The following SV2C variants were observed in gnomAD, a reference collection of about 807,000 sequenced individuals.
SV2C encodes solute carrier family 22 member B3.
A neutral mutation model predicts 79.7 loss-of-function variants in SV2C; 49 were observed. That is an observed-to-expected ratio of 0.61 (90% CI 0.49 to 0.78). SV2C has a LOEUF of 0.78. Among genes scored for constraint, SV2C ranks in the 30% least tolerant of loss-of-function variants. The probability of loss-of-function intolerance (pLI) is 0.00; values close to 1 mark genes in which losing one functional copy is unlikely to be tolerated. For missense variants in SV2C, 833 were observed against 912.9 expected (o/e 0.91, Z 1.13); for synonymous variants, 334 against 333.2 (o/e 1.00, Z -0.03).
the SV2C span, among the ~76,000 whole-genome samples, chr5:75,876,421 G>C: frequency 1.3e-5 from 2 of 152,048 alleles, no homozygotes; most frequent in South Asian, 2.1e-4. Flanking sequence ...TCTCCTTGAG[G>C]GGGTAGGGTG....
At chr5:76,103,237 G>T (rs1023466362) in intron 1 of SV2C, among the ~76,000 whole-genome samples, 1 of 152,136 alleles carries the variant, frequency 6.6e-6, no homozygotes, top group African/African-American at 2.4e-5. Flanking sequence ...TCACTGAAAT[G>T]CAAAGCAGGG....
the SV2C span, among the ~76,000 whole-genome samples, chr5:76,021,859 C>T: frequency 3.9e-5 from 6 of 152,128 alleles, no homozygotes; most frequent in African/African-American, 7.2e-5. Context: ...AAGCTTTTAA[C>T]TGGCCTTAGG....
intron 1 of SV2C, among the ~76,000 whole-genome samples, chr5:76,084,663 A>G (rs1747115228): frequency 9.3e-6 from 1 of 107,434 alleles, no homozygotes; most frequent in Non-Finnish European, 1.7e-5. Flanking sequence ...TACGTGTGCG[A>G]GTGATGCAAA....
chr5:76,022,977 C>CCATT, the SV2C span, among the ~76,000 whole-genome samples: 77 of 152,288 alleles, frequency 5.1e-4, no homozygotes, highest in African/African-American at 1.8e-3. Flanking sequence ...ATTTATACAA[C>CCATT]CTTAGAATAC....
At chr5:76,133,939 G>A (rs1386156107) in intron 2 of SV2C, among the ~76,000 whole-genome samples, 1 of 152,108 alleles carries the variant, frequency 6.6e-6, no homozygotes, top group African/African-American at 2.4e-5. Flanking sequence ...ATAATTGCCA[G>A]CTTAAATTTA....
intron 4 of SV2C, among the ~76,000 whole-genome samples, chr5:76,240,643 T>C (rs1745756441): frequency 6.6e-6 from 1 of 152,170 alleles, no homozygotes; most frequent in African/African-American, 2.4e-5. Context: ...ATACACTCTT[T>C]ATATGCTTTT....
chr5:75,918,428 G>T, the SV2C span, among the ~76,000 whole-genome samples: 12 of 152,184 alleles, frequency 7.9e-5, no homozygotes, highest in Non-Finnish European at 1.8e-4. Flanking sequence ...TGACAATTTG[G>T]TGTGACTTTT....
chr5:76,022,409 A>G, the SV2C span, among the ~76,000 whole-genome samples: 1 of 152,300 alleles, frequency 6.6e-6, no homozygotes, highest in African/African-American at 2.4e-5. Context: ...TTGCATTAGC[A>G]TTGAGGAGTG....
the SV2C span, among the ~76,000 whole-genome samples, chr5:76,000,630 A>C: frequency 1.3e-5 from 2 of 152,238 alleles, no homozygotes; most frequent in Non-Finnish European, 2.9e-5. Context: ...AACACCAATT[A>C]GCACTGAAAA....
At chr5:76,039,865 T>C in the SV2C span, among the ~76,000 whole-genome samples, 1 of 152,156 alleles carries the variant, frequency 6.6e-6, no homozygotes, top group Non-Finnish European at 1.5e-5. Context: ...TCAATGCCCT[T>C]TCCATATGGA....
At chr5:76,338,224 G>A (rs1306707068), downstream of SV2C, among the ~76,000 whole-genome samples, 1 of 152,244 alleles carries the variant, frequency 6.6e-6, no homozygotes, top group African/African-American at 2.4e-5. Flanking sequence ...GATAGGACAG[G>A]ATAAGCTCCA....
intron 2 of SV2C, among the ~76,000 whole-genome samples, chr5:76,145,810 A>G (rs1749402064): frequency 1.3e-5 from 2 of 152,238 alleles, no homozygotes; most frequent in East Asian, 1.9e-4. Context: ...TTGTCAAGAT[A>G]GGTGGGACAC....
chr5:75,997,411 G>C, the SV2C span, among the ~76,000 whole-genome samples: 2 of 68,200 alleles, frequency 2.9e-5, no homozygotes, highest in Non-Finnish European at 5.7e-5. Context: ...GCAACCTACA[G>C]AATGGGAGAA....
At chr5:76,015,178 T>C in the SV2C span, among the ~76,000 whole-genome samples, 1 of 152,264 alleles carries the variant, frequency 6.6e-6, no homozygotes, top group East Asian at 1.9e-4. Context: ...CACAGCAGAT[T>C]AGAGAGCTGT....
chr5:76,019,368 G>A, the SV2C span, among the ~76,000 whole-genome samples: 2 of 152,140 alleles, frequency 1.3e-5, no homozygotes, highest in Non-Finnish European at 2.9e-5. Context: ...TTTGAGAAAT[G>A]GAGACACTAA....
chr5:76,218,359 T>A (rs1744963279), intron 4 of SV2C, among the ~76,000 whole-genome samples: 1 of 152,180 alleles, frequency 6.6e-6, no homozygotes, highest in African/African-American at 2.4e-5. Context: ...CACACCCAAA[T>A]GCCCATCAAT....
the SV2C span, among the ~76,000 whole-genome samples, chr5:75,917,035 C>G: frequency 1.3e-5 from 2 of 152,214 alleles, no homozygotes; most frequent in Non-Finnish European, 2.9e-5. Context: ...TAGTTGCCAA[C>G]AACAGGACTT....
chr5:75,917,405 C>G, the SV2C span, among the ~76,000 whole-genome samples: 1 of 152,016 alleles, frequency 6.6e-6, no homozygotes, highest in Non-Finnish European at 1.5e-5. Context: ...TGACACTGTG[C>G]TAAGGAAGAA....
intron 1 of SV2C, among the ~76,000 whole-genome samples, chr5:76,105,944 A>G (rs1253009528): frequency 1.3e-5 from 2 of 152,056 alleles, no homozygotes; most frequent in Non-Finnish European, 2.9e-5. Flanking sequence ...GATCTCATCC[A>G]TTCTTGTGGC....
Sources: gnomAD v4.1 joint callset for allele counts (sites outside exome capture counted in the v4.1 genomes callset) on GRCh38, gnomAD v4.1.1 for gene constraint, MANE v1.5 for transcripts, NCBI Gene and HGNC (gene_info 2026-07-23, HGNC 2026-07-21) for gene names.